Variants in PPP1R37 observed in about 807,000 individuals in gnomAD.
The protein encoded by PPP1R37 is leucine rich repeat containing 68.
PPP1R37 carries 21 observed loss-of-function variants against 61.0 expected under a neutral mutation model. The observed-to-expected ratio is 0.34, with a 90% confidence interval of 0.24 to 0.50. PPP1R37 has a LOEUF of 0.50. Ranked by LOEUF, PPP1R37 falls within the 20% of genes least tolerant of loss-of-function variation. PPP1R37 has a pLI of 0.98. For missense variants in PPP1R37, 910 were observed against 952.7 expected (o/e 0.96, Z 0.59); for synonymous variants, 443 against 433.5 (o/e 1.02, Z -0.27).
At chr19:45,135,916 G>A (rs1331349000) in intron 1 of PPP1R37, 2 of 151,434 alleles carry the variant, frequency 1.3e-5, no homozygotes, top group Admixed American at 6.6e-5. Context: ...CCGAGTAACT[G>A]AGACTACAGG....
chr19:45,100,739 G>A (rs1478812837), intron 1 of PPP1R37, among the ~76,000 whole-genome samples: 1 of 152,214 alleles, frequency 6.6e-6, no homozygotes, highest in Non-Finnish European at 1.5e-5. Context: ...TGGCTTTGCG[G>A]TGTTGTGGCA....
At chr19:45,117,850 G>A (rs763309982) in intron 1 of PPP1R37, among the ~76,000 whole-genome samples, 3 of 152,212 alleles carry the variant, frequency 2.0e-5, no homozygotes, top group Admixed American at 6.5e-5. Context: ...GCCAGTGCTC[G>A]TCCTTGGCAT....
chr19:45,146,402 C>A lies in PPP1R37; in HGVS notation c.2006C>A (p.Ser669Tyr). The A allele has an allele frequency of 6.5e-7, 1 of 1,535,804 alleles. No individual in the cohort carries two copies. The highest frequency in any genetic ancestry group is 1.2e-5 in the South Asian group (1 of 84,024). Reference protein sequence around the residue: ...SCGLEHELSCSKNEKELEELL... With the variant: ...SCGLEHELSCYKNEKELEELL... Reference sequence around the variant, plus strand: ...TCCTCCCACACAGAACTGAGCTGCTCCAAGAACGAGAAGGAGCTCGAGGAG... The same window carrying A: ...TCCTCCCACACAGAACTGAGCTGCTACAAGAACGAGAAGGAGCTCGAGGAG... The change falls in exon 12 of 13, where the codon TCC becomes TAC. Residue 669 changes from serine to tyrosine, a missense_variant. Coordinates refer to ENST00000221462, the MANE Select transcript of PPP1R37 (RefSeq NM_019121.2).
intron 1 of PPP1R37, among the ~76,000 whole-genome samples, chr19:45,105,694 C>G (rs1968121739): frequency 6.6e-6 from 1 of 152,166 alleles, no homozygotes; most frequent in Non-Finnish European, 1.5e-5. Flanking sequence ...GATTCCCGGC[C>G]CGGTTCTGCC....
chr19:45,118,589 G>C (rs961526452), intron 1 of PPP1R37, among the ~76,000 whole-genome samples: 1 of 152,204 alleles, frequency 6.6e-6, no homozygotes, highest in Admixed American at 6.5e-5. Context: ...TAACTGCGTA[G>C]TAAATGACAG....
chr19:45,096,938 G>C (rs954365318), intron 1 of PPP1R37, among the ~76,000 whole-genome samples: 2 of 151,454 alleles, frequency 1.3e-5, no homozygotes, highest in African/African-American at 4.9e-5. Flanking sequence ...CATTGGTGAA[G>C]TTGGTGAGTT....
rs533628258 is a variant in PPP1R37 at position 45,145,358 on chromosome 19, G to A, written c.1302G>A (p.Lys434=). ...LDREPKKEAV[K]SFIETQKALL... ...GCCAGGCGCTCCCGCCACAGGTGAA[G>A]AGCTTCATCGAGACGCAGAAGGCGC... The change falls in exon 11 of 13, where the codon AAG becomes AAA. Residue 434 remains lysine, a synonymous_variant. Transcript: ENST00000221462. 145 of 1,534,576 alleles carry A rather than the reference G, an allele frequency of 9.4e-5. No homozygotes were observed. The East Asian group carries it at 3.2e-3, about 34-fold the overall frequency.
chr19:45,125,368 C>A (rs1406027597), intron 1 of PPP1R37, among the ~76,000 whole-genome samples: 2 of 152,090 alleles, frequency 1.3e-5, no homozygotes. Flanking sequence ...GAGGCTGAGG[C>A]AGGAGAATTG....
chr19:45,124,108 TG>T (rs1482586608), intron 1 of PPP1R37, among the ~76,000 whole-genome samples: 1 of 152,056 alleles, frequency 6.6e-6, no homozygotes, highest in Non-Finnish European at 1.5e-5. Context: ...CATAGTCCAG[TG>T]GGGGAGACAC....
Position 45,142,414 on chromosome 19 carries a change from C to G in PPP1R37, c.830C>G (p.Ser277Cys). The G allele has an allele frequency of 6.5e-7, 1 of 1,536,150 alleles. No homozygotes were observed. Among genetic ancestry groups the G allele is most frequent in the Non-Finnish European group, 8.7e-7 (1 of 1,146,914 alleles). ...QLGNLLKFNC[S>C]LQILDLRNNH... ...GGTAACCTGCTCAAGTTCAACTGCT[C>G]CCTGCAGATCCTGGACCTCCGGAAC... Residue 277 changes from serine (S) to cysteine (C), a missense_variant, in exon 7 of 13, where the codon TCC becomes TGC. Around this residue, in one of 3 missense-constraint regions of PPP1R37, gnomAD observed 280 missense variants for 382.2 expected, o/e 0.73. Coordinates refer to ENST00000221462, the MANE Select transcript of PPP1R37 (RefSeq NM_019121.2).
intron 1 of PPP1R37, 26 bp from the exon 2 acceptor site, chr19:45,138,488 C>G (rs1019416859): frequency 2.0e-6 from 3 of 1,522,664 alleles, no homozygotes; most frequent in Non-Finnish European, 2.6e-6. Flanking sequence ...TGGACAGTCA[C>G]AGGCCTGGGT....
At chr19:45,146,292 A>T in intron 11 of PPP1R37, 98 bp from the exon 12 acceptor site, 1 of 1,137,006 alleles carries the variant, frequency 8.8e-7, no homozygotes, top group Non-Finnish European at 1.2e-6. Flanking sequence ...GTCTCTGGGC[A>T]CTCTGCAGGC....
At chr19:45,126,307 G>C (rs916573242) in intron 1 of PPP1R37, among the ~76,000 whole-genome samples, 9 of 152,338 alleles carry the variant, frequency 5.9e-5, no homozygotes, top group Admixed American at 1.3e-4. Context: ...AGGGACAGGG[G>C]CCCTTCCTGT....
At position 45,112,949 on chromosome 19, in the gene PPP1R37, G is replaced by A. The variant is rs182445465; in HGVS notation, c.202+19422G>A. Reference sequence around the variant, plus strand: ...GGACCTGGACCCCAAGGCCATGTAAGCCCAAAGCCTCATACTTTCCCTAAT... The same window carrying A: ...GGACCTGGACCCCAAGGCCATGTAAACCCAAAGCCTCATACTTTCCCTAAT... On this transcript the variant is annotated intron_variant, in intron 1 of 12. Coordinates refer to ENST00000221462, the MANE Select transcript of PPP1R37 (RefSeq NM_019121.2). Among the ~76,000 whole-genome samples the A allele has an allele frequency of 2.2e-3, 329 of 152,312 alleles. 1 individual carries two copies. The highest frequency in any genetic ancestry group is 7.5e-3 in the African/African-American group (313 of 41,570).
intron 1 of PPP1R37, among the ~76,000 whole-genome samples, chr19:45,122,405 A>G (rs566550632): frequency 6.6e-6 from 1 of 152,302 alleles, no homozygotes; most frequent in Admixed American, 6.5e-5. Context: ...CCTTCAGTCA[A>G]CACATATTTA....
chr19:45,093,421 G>T lies in PPP1R37; in HGVS notation c.96G>T (p.Ser32=). ...PAEAGSPSPA[S]PPADGRLKAA... ...AGGCCGGGTCTCCCAGCCCCGCGTC[G>T]CCCCCCGCCGATGGGCGCCTCAAGG... Residue 32 remains serine, a synonymous_variant, in exon 1 of 13, where the codon TCG becomes TCT. Transcript: ENST00000221462. 6.5e-7 allele frequency: 1 copy of T among 1,534,078 alleles called. No homozygotes were observed. Among genetic ancestry groups the T allele is most frequent in the South Asian group, 1.2e-5 (1 of 83,912 alleles).
intron 1 of PPP1R37, among the ~76,000 whole-genome samples, chr19:45,100,680 T>G (rs1052103187): frequency 2.6e-5 from 4 of 152,148 alleles, no homozygotes; most frequent in Non-Finnish European, 5.9e-5. Flanking sequence ...TGCCATACGG[T>G]CTCTTCATCT....
At chr19:45,126,877 A>ACAT (rs1242045100) in intron 1 of PPP1R37, among the ~76,000 whole-genome samples, 1 of 152,200 alleles carries the variant, frequency 6.6e-6, no homozygotes, top group East Asian at 1.9e-4. Context: ...CTGAGTCAGC[A>ACAT]CATCACCAGG....
intron 8 of PPP1R37, chr19:45,144,532 A>G (rs1968657900): frequency 5.6e-6 from 2 of 357,038 alleles, no homozygotes; most frequent in Non-Finnish European, 1.0e-5. Context: ...ACCCCGGGAT[A>G]AGAGTTGCCC....
Sources: gnomAD v4.1 joint callset for allele counts (sites outside exome capture counted in the v4.1 genomes callset) on GRCh38, gnomAD v4.1.1 for gene constraint, gnomAD v4.1.1 regional missense constraint, MANE v1.5 for transcripts, NCBI Gene and HGNC (gene_info 2026-07-23, HGNC 2026-07-21) for gene names.